ZNF385D: variants seen among roughly 807,000 people sequenced by gnomAD.
The protein encoded by ZNF385D is zinc finger protein 385D.
A neutral mutation model predicts 35.8 loss-of-function variants in ZNF385D; 15 were observed. The ratio of observed to expected loss-of-function variants is 0.42; its 90% CI spans 0.28 to 0.64. The LOEUF is 0.64. Among genes scored for constraint, ZNF385D ranks in the 30% least tolerant of loss-of-function variants. The pLI, the probability that ZNF385D is intolerant of heterozygous loss-of-function variation, is 0.23. For missense variants in ZNF385D, 474 were observed against 494.6 expected, an observed-to-expected ratio of 0.96 and a Z score of 0.39; for synonymous variants, 212 against 186.8, an observed-to-expected ratio of 1.13 and a Z score of -1.10.
In ZNF385D at chr3:21,526,074, T is replaced by C. The variant is rs1019846928; in HGVS notation, c.277-15051A>G. On this transcript the variant is annotated intron_variant, in intron 3 of 7. Coordinates refer to ENST00000281523, the MANE Select transcript of ZNF385D (RefSeq NM_024697.3). ...ATTACACCGTAAACAGATGCTATTT[T>C]CCACTACATATTCAGCTGTAATTAG... 1.6e-4 allele frequency among the ~76,000 whole-genome samples: 24 copies of C among 152,198 alleles called. 1 individual carries two copies. Among genetic ancestry groups the C allele is most frequent in the Non-Finnish European group, 5.9e-5 (4 of 68,032 alleles).
chr3:22,167,734 G>A (rs569954675), intron 3 of ZNF385D, among the ~76,000 whole-genome samples: 14 of 152,222 alleles, frequency 9.2e-5, no homozygotes, highest in Non-Finnish European at 1.5e-4. Flanking sequence ...TGTGTCACTA[G>A]GTTTATCTTA....
chr3:21,719,416 T>C (rs1424911612), intron 1 of ZNF385D, among the ~76,000 whole-genome samples: 1 of 152,214 alleles, frequency 6.6e-6, no homozygotes, highest in Non-Finnish European at 1.5e-5. Flanking sequence ...ACAATAAGCC[T>C]CAGCATTTGC....
chr3:22,292,332 T>C (rs1702341574), intron 2 of ZNF385D, among the ~76,000 whole-genome samples: 1 of 152,096 alleles, frequency 6.6e-6, no homozygotes, highest in African/African-American at 2.4e-5. Flanking sequence ...TATATTTTTA[T>C]CTCGTTTCTT....
intron 1 of ZNF385D, among the ~76,000 whole-genome samples, chr3:21,725,086 G>C (rs1416842356): frequency 6.6e-6 from 1 of 152,112 alleles, no homozygotes; most frequent in Admixed American, 6.6e-5. Flanking sequence ...ATGACTACTG[G>C]ATAAATAACA....
At chr3:21,941,103 A>T (rs1423550801) in intron 3 of ZNF385D, among the ~76,000 whole-genome samples, 1 of 152,204 alleles carries the variant, frequency 6.6e-6, no homozygotes, top group Non-Finnish European at 1.5e-5. Flanking sequence ...CCTACTTTGT[A>T]TTCTGTAGAA....
intron 3 of ZNF385D, among the ~76,000 whole-genome samples, chr3:21,772,481 G>A (rs973272982): frequency 6.6e-6 from 1 of 151,838 alleles, no homozygotes; most frequent in East Asian, 1.9e-4. Context: ...ATGAAAAGAT[G>A]CTCACAAACA....
intron 2 of ZNF385D, among the ~76,000 whole-genome samples, chr3:22,249,961 G>A (rs983508923): frequency 2.0e-5 from 3 of 152,084 alleles, no homozygotes; most frequent in African/African-American, 7.2e-5. Flanking sequence ...TTCTCAGGGA[G>A]ATATTATCAA....
chr3:21,931,342 G>T (rs907023272), intron 3 of ZNF385D, among the ~76,000 whole-genome samples: 4 of 152,122 alleles, frequency 2.6e-5, no homozygotes, highest in Non-Finnish European at 5.9e-5. Flanking sequence ...CACATAGGTG[G>T]TGACAACATA....
rs935373517 is a variant in ZNF385D, at chr3:22,242,088, G to T, written c.107-73053C>A. Among the ~76,000 whole-genome samples, 4 of 150,464 alleles carry T rather than the reference G, an allele frequency of 2.7e-5. 1 individual carries two copies. The highest frequency in any genetic ancestry group is 7.4e-5 in the African/African-American group (3 of 40,572). On this transcript the variant is annotated intron_variant, in intron 2 of 5. Transcript: ENST00000494108. The stretch of plus-strand genomic sequence containing the variant: ...TGGGGACTGTTGTGGGGTGGGGGAA[G>T]GGGGGAGGGATAGCACTGGGAGATA...
chr3:21,771,692 C>T (rs1388258527), intron 3 of ZNF385D, among the ~76,000 whole-genome samples: 6 of 151,746 alleles, frequency 4.0e-5, no homozygotes, highest in African/African-American at 1.2e-4. Context: ...AGCATCTTCC[C>T]GAGACCAAGA....
At chr3:21,958,437 A>C (rs1045558780) in intron 3 of ZNF385D, among the ~76,000 whole-genome samples, 2 of 152,166 alleles carry the variant, frequency 1.3e-5, no homozygotes, top group African/African-American at 4.8e-5. Flanking sequence ...CCAAAAGATC[A>C]CTATTAGAAC....
intron 4 of ZNF385D, among the ~76,000 whole-genome samples, chr3:21,461,409 G>A (rs1038310582): frequency 3.9e-5 from 6 of 151,960 alleles, no homozygotes; most frequent in South Asian, 4.2e-4. Flanking sequence ...TTAGCTGGGC[G>A]TCGTGGTGGG....
chr3:21,481,099 C>T (rs1704600378), intron 4 of ZNF385D, among the ~76,000 whole-genome samples: 1 of 152,108 alleles, frequency 6.6e-6, no homozygotes, highest in Non-Finnish European at 1.5e-5. Context: ...TGAGCAATCG[C>T]TGATAGTGAC....
chr3:22,255,285 T>C (rs200461118), intron 2 of ZNF385D, among the ~76,000 whole-genome samples: 35 of 150,426 alleles, frequency 2.3e-4, no homozygotes, highest in African/African-American at 8.1e-4. Flanking sequence ...CCCCCCAAAA[T>C]TGTGTCCTAA....
At chr3:21,736,224 G>A (rs2069235021) in intron 1 of ZNF385D, among the ~76,000 whole-genome samples, 1 of 152,160 alleles carries the variant, frequency 6.6e-6, no homozygotes, top group Admixed American at 6.5e-5. Context: ...AACAGCTCAA[G>A]AGCTCAATAG....
chr3:21,927,026 C>T (rs749177169), intron 3 of ZNF385D, among the ~76,000 whole-genome samples: 5 of 152,076 alleles, frequency 3.3e-5, no homozygotes, highest in Non-Finnish European at 7.4e-5. Flanking sequence ...GGACAGATCA[C>T]TCCTGAATGG....
At position 22,226,288 on chromosome 3, in the gene ZNF385D, C is replaced by G. The variant is rs146645722; in HGVS notation, c.107-57253G>C. Reference sequence around the variant, plus strand: ...AGCAAGTTCTCAACAGAGATAAACGCACTTGGATGCATGGGGCCTCAGCAC... The same window carrying G: ...AGCAAGTTCTCAACAGAGATAAACGGACTTGGATGCATGGGGCCTCAGCAC... On this transcript the variant is annotated intron_variant, in intron 2 of 5. Transcript: ENST00000494108. Among the ~76,000 whole-genome samples, 549 of 152,144 alleles carry G rather than the reference C, an allele frequency of 3.6e-3. 5 individuals are homozygous for G. The highest frequency in any genetic ancestry group is 0.013 in the African/African-American group (527 of 41,532).
intron 3 of ZNF385D, among the ~76,000 whole-genome samples, chr3:21,853,879 T>C (rs1320681398): frequency 6.6e-6 from 1 of 151,876 alleles, no homozygotes; most frequent in South Asian, 2.1e-4. Flanking sequence ...GTATATGAAG[T>C]TCAAGAAAGG....
At chr3:21,696,985 A>T (rs751821270) in intron 1 of ZNF385D, among the ~76,000 whole-genome samples, 1 of 152,232 alleles carries the variant, frequency 6.6e-6, no homozygotes, top group Non-Finnish European at 1.5e-5. Flanking sequence ...TTTAAAAGTA[A>T]CAGTTTATAT....
Sources: allele counts gnomAD v4.1 joint callset (sites outside exome capture counted in the v4.1 genomes callset), GRCh38; gene constraint gnomAD v4.1.1; transcripts MANE v1.5; gene names NCBI Gene and HGNC (gene_info 2026-07-23, HGNC 2026-07-21).